PRKCQ: variants seen among roughly 807,000 people sequenced by gnomAD.
PRKCQ encodes the protein protein kinase C theta type.
A neutral mutation model predicts 91.2 loss-of-function variants in PRKCQ; 41 were observed. That is an observed-to-expected ratio of 0.45 (90% confidence interval 0.35 to 0.58). The LOEUF is 0.58. Ranked by LOEUF, PRKCQ falls within the 20% of genes least tolerant of loss-of-function variation. The pLI, the probability that PRKCQ is intolerant of heterozygous loss-of-function variation, is 0.00. For synonymous variants in PRKCQ, 307 were observed against 316.9 expected, an observed-to-expected ratio of 0.97 and a Z score of 0.33; for missense variants, 673 against 896.5, an observed-to-expected ratio of 0.75 and a Z score of 3.18.
chr10:6,410,551 G>A, the PRKCQ span, among the ~76,000 whole-genome samples: 1 of 152,220 alleles, frequency 6.6e-6, no homozygotes, highest in African/African-American at 2.4e-5. Flanking sequence ...TAGCAGTGGT[G>A]TTTGGAAATG....
At chr10:6,420,203 G>C in the PRKCQ span, among the ~76,000 whole-genome samples, 1 of 152,126 alleles carries the variant, frequency 6.6e-6, no homozygotes, top group African/African-American at 2.4e-5. Context: ...TGGTCAAGCT[G>C]GTGTCGAACT....
intron 16 of PRKCQ, among the ~76,000 whole-genome samples, chr10:6,441,008 T>C (rs1304859105): frequency 6.6e-6 from 1 of 152,034 alleles, no homozygotes; most frequent in African/African-American, 2.4e-5. Flanking sequence ...AGTTATGTGA[T>C]GAATAATATC....
At chr10:6,467,970 G>C (rs2130727834) in intron 12 of PRKCQ, among the ~76,000 whole-genome samples, 1 of 152,290 alleles carries the variant, frequency 6.6e-6, no homozygotes, top group East Asian at 1.9e-4. Context: ...TATTCATGAA[G>C]CTGAGGCTGG....
chr10:6,466,291 C>T (rs1835651103), intron 12 of PRKCQ, among the ~76,000 whole-genome samples: 1 of 152,206 alleles, frequency 6.6e-6, no homozygotes, highest in Non-Finnish European at 1.5e-5. Context: ...CACTCCCATG[C>T]ATTCCACACA....
At chr10:6,437,238 T>C (rs1030348592) in intron 16 of PRKCQ, among the ~76,000 whole-genome samples, 8 of 152,198 alleles carry the variant, frequency 5.3e-5, no homozygotes, top group African/African-American at 1.2e-4. Flanking sequence ...GTAAGGGCTT[T>C]ATGGAGATAA....
At chr10:6,546,444 T>C (rs1028366636) in intron 1 of PRKCQ, among the ~76,000 whole-genome samples, 1 of 152,202 alleles carries the variant, frequency 6.6e-6, no homozygotes, top group East Asian at 1.9e-4. Flanking sequence ...ATGTGGAAGC[T>C]ACATTAGTTC....
intron 15 of PRKCQ, among the ~76,000 whole-genome samples, chr10:6,456,332 C>T (rs996806488): frequency 1.1e-4 from 17 of 152,090 alleles, no homozygotes; most frequent in African/African-American, 3.4e-4. Flanking sequence ...GTCTTCTGAC[C>T]CCACAGTTTC....
At chr10:6,561,369 C>CAAAAA (rs3086735) in intron 1 of PRKCQ, among the ~76,000 whole-genome samples, 3 of 82,638 alleles carry the variant, frequency 3.6e-5, no homozygotes, top group Non-Finnish European at 6.8e-5. Context: ...GACCCTGTCT[C>CAAAAA]AAAAAAAAAA....
In PRKCQ at chr10:6,498,450, G is replaced by A. The variant is rs1837735362; in HGVS notation, c.488C>T (p.Thr163Ile). 6.2e-7 allele frequency: 1 copy of A among 1,614,222 alleles called. No homozygotes were observed. The highest frequency in any genetic ancestry group is 1.1e-5 in the South Asian group (1 of 91,086). The change falls in exon 5 of 18, where the codon ACT becomes ATT. Residue 163 changes from threonine to isoleucine, a missense_variant. Transcript: ENST00000263125. ...KVHHVKCHEF[T>I]ATFFPQPTFC... ...TGTGGGCTGTGGGAAGAAGGTGGCA[G>A]TGAACTCGTGGCACTTGACGTGGTG...
the PRKCQ span, among the ~76,000 whole-genome samples, chr10:6,407,259 C>T: frequency 1.3e-5 from 2 of 148,272 alleles, no homozygotes; most frequent in Non-Finnish European, 3.0e-5. This position sits in a 1 kb window ranked among gnomAD's most constrained non-coding sequence, Gnocchi z 4.0. Flanking sequence ...AGTGGGCGTG[C>T]ATGGTGCCGG....
chr10:6,562,159 A>C (rs1343224928), intron 1 of PRKCQ, among the ~76,000 whole-genome samples: 1 of 152,160 alleles, frequency 6.6e-6, no homozygotes, highest in East Asian at 1.9e-4. Flanking sequence ...AGAACGAAGG[A>C]GAAGCCCACT....
At chr10:6,447,954 A>T (rs959846020) in intron 15 of PRKCQ, among the ~76,000 whole-genome samples, 3 of 152,332 alleles carry the variant, frequency 2.0e-5, no homozygotes, top group South Asian at 4.1e-4. Context: ...TTTTGAGGGC[A>T]AAAGGGGCAA....
intron 1 of PRKCQ, among the ~76,000 whole-genome samples, chr10:6,547,561 C>T (rs967301906): frequency 5.3e-5 from 8 of 150,788 alleles, no homozygotes; most frequent in Admixed American, 1.3e-4. Flanking sequence ...AGAACAGAGC[C>T]CTCAGAAATA....
intron 1 of PRKCQ, among the ~76,000 whole-genome samples, chr10:6,559,115 A>C (rs1173858268): frequency 1.3e-5 from 2 of 152,226 alleles, no homozygotes; most frequent in Admixed American, 6.5e-5. Flanking sequence ...TTAAGGTTTA[A>C]AAAGAAAAGT....
chr10:6,492,104 A>G (rs1199779451), intron 7 of PRKCQ, among the ~76,000 whole-genome samples: 1 of 152,232 alleles, frequency 6.6e-6, no homozygotes, highest in African/African-American at 2.4e-5. Context: ...GGAAGACTGC[A>G]TGAGGGTTAT....
At chr10:6,433,899 T>C (rs761698500) in intron 16 of PRKCQ, among the ~76,000 whole-genome samples, 2 of 151,632 alleles carry the variant, frequency 1.3e-5, no homozygotes, top group Non-Finnish European at 2.9e-5. Context: ...GGTGTGGTGG[T>C]GGACGCCTGT....
intron 1 of PRKCQ, among the ~76,000 whole-genome samples, chr10:6,537,485 G>A (rs745883747): frequency 3.9e-5 from 6 of 152,150 alleles, no homozygotes; most frequent in African/African-American, 1.2e-4. Context: ...CTGCGGGAAC[G>A]GGAACTCAGG....
the PRKCQ span, among the ~76,000 whole-genome samples, chr10:6,408,723 C>A: frequency 2.0e-4 from 30 of 152,328 alleles, no homozygotes; most frequent in Middle Eastern, 3.4e-3. Flanking sequence ...ACCCAGTTGT[C>A]TTTCTTTTGG....
chr10:6,403,962 A>T, the PRKCQ span, among the ~76,000 whole-genome samples: 6 of 152,102 alleles, frequency 3.9e-5, no homozygotes, highest in African/African-American at 1.4e-4. Context: ...TACAATCTCT[A>T]TGGTGACAGA....
Sources: allele counts gnomAD v4.1 joint callset (sites outside exome capture counted in the v4.1 genomes callset), GRCh38; gene constraint gnomAD v4.1.1; non-coding constraint Gnocchi (gnomAD v3.1); transcripts MANE v1.5; gene names NCBI Gene and HGNC (gene_info 2026-07-23, HGNC 2026-07-21).